The following TGFB2 variants were observed in gnomAD, a reference collection of about 807,000 sequenced individuals.
TGFB2 encodes the protein transforming growth factor beta-2 proprotein.
In TGFB2, 13 loss-of-function variants were observed where a neutral mutation model predicts 42.7. That is an observed-to-expected ratio of 0.30 (90% confidence interval 0.20 to 0.48). The LOEUF (loss-of-function observed/expected upper bound fraction) is 0.48. Among genes scored for constraint, TGFB2 ranks in the 20% least tolerant of loss-of-function variants. The pLI is 0.99. For missense variants in TGFB2, 390 were observed against 517.5 expected (o/e 0.75, Z 2.39); for synonymous variants, 193 against 193.6 (o/e 1.00, Z 0.03).
intron 1 of TGFB2, among the ~76,000 whole-genome samples, chr1:218,348,118 T>C (rs1289324487): frequency 6.6e-6 from 1 of 151,924 alleles, no homozygotes; most frequent in African/African-American, 2.4e-5. Flanking sequence ...CAGCATCCAC[T>C]TGATACCTGA....
intron 1 of TGFB2, among the ~76,000 whole-genome samples, chr1:218,404,411 C>T (rs945217463): frequency 5.9e-5 from 9 of 152,196 alleles, no homozygotes; most frequent in Admixed American, 2.6e-4. Context: ...CCCACTGTGC[C>T]CGTCCTTCCC....
At chr1:218,436,501 GGAT>G (rs1382958336) in intron 5 of TGFB2, among the ~76,000 whole-genome samples, 1 of 152,184 alleles carries the variant, frequency 6.6e-6, no homozygotes, top group Non-Finnish European at 1.5e-5. Flanking sequence ...CCCACCATCT[GGAT>G]GATGCCTTCA....
At chr1:218,363,192 C>T in intron 1 of TGFB2, 3 of 670,882 alleles carry the variant, frequency 4.5e-6, no homozygotes, top group Non-Finnish European at 5.2e-6. Context: ...AATCCCCTGG[C>T]CCCAGGTAGC....
chr1:218,382,551 T>G (rs143085599), intron 1 of TGFB2, among the ~76,000 whole-genome samples: 130 of 152,352 alleles, frequency 8.5e-4, no homozygotes, highest in South Asian at 1.5e-3. Context: ...ATCATACTTC[T>G]GAATTAAAGT....
intron 1 of TGFB2, among the ~76,000 whole-genome samples, chr1:218,377,885 A>G (rs144785818): frequency 6.6e-6 from 1 of 152,300 alleles, no homozygotes; most frequent in African/African-American, 2.4e-5. Context: ...TGTCTTCCTT[A>G]AATTGAATCC....
intron 2 of TGFB2, among the ~76,000 whole-genome samples, chr1:218,423,494 A>C (rs1336736381): frequency 6.6e-6 from 1 of 152,198 alleles, no homozygotes; most frequent in Non-Finnish European, 1.5e-5. Flanking sequence ...AGTTTGGATT[A>C]GAAGAGTGGA....
chr1:218,397,290 G>A (rs11118101), intron 1 of TGFB2, among the ~76,000 whole-genome samples: 5,434 of 149,904 alleles, frequency 0.036, 321 homozygotes, highest in African/African-American at 0.13. Context: ...AAGGCCGGGC[G>A]CGGTGGCTTA....
intron 1 of TGFB2, among the ~76,000 whole-genome samples, chr1:218,382,320 TG>T (rs1657992396): frequency 6.6e-6 from 1 of 152,128 alleles, no homozygotes; most frequent in African/African-American, 2.4e-5. Context: ...TAGCTTTGGT[TG>T]AGTCTCACCC....
At position 218,346,404 on chromosome 1, in the gene TGFB2, TC is replaced by T. The variant is rs1165154577; in HGVS notation, c.-294del. The T allele has an allele frequency of 4.1e-5, 13 of 317,240 alleles. No homozygotes were observed. Among genetic ancestry groups the T allele is most frequent in the Non-Finnish European group, 4.5e-5 (8 of 176,672 alleles). The allele number at this position is 317,240 out of a possible 1,614,324, so 19.7% of individuals were successfully genotyped here. ...CTTAATAGCCACTCGTCTCTTTTTT[TC>T]CCCATCTCATTGCTCCAAGAATTTT... On this transcript the variant is annotated 5_prime_UTR_variant, in exon 1 of 7. Transcript: ENST00000366930. The surrounding 1 kb of genome is among the most constrained non-coding windows in gnomAD (Gnocchi z 4.9).
At chr1:218,358,052 G>C (rs186512802) in intron 1 of TGFB2, among the ~76,000 whole-genome samples, 1 of 152,212 alleles carries the variant, frequency 6.6e-6, no homozygotes, top group African/African-American at 2.4e-5. Context: ...TGACAAGCTA[G>C]TTTGCAAATA....
At chr1:218,396,961 G>A (rs1354848388) in intron 1 of TGFB2, among the ~76,000 whole-genome samples, 1 of 152,056 alleles carries the variant, frequency 6.6e-6, no homozygotes, top group African/African-American at 2.4e-5. Context: ...TAGGTATAAA[G>A]CCTGATCCAA....
At chr1:218,350,009 C>T (rs550518469) in intron 1 of TGFB2, among the ~76,000 whole-genome samples, 10 of 152,248 alleles carry the variant, frequency 6.6e-5, no homozygotes, top group East Asian at 3.9e-4. Context: ...TAAGGTTTAC[C>T]GATAGTTTGC....
At chr1:218,353,093 A>G (rs747552937) in intron 1 of TGFB2, among the ~76,000 whole-genome samples, 19 of 152,238 alleles carry the variant, frequency 1.2e-4, no homozygotes, top group Non-Finnish European at 1.8e-4. Flanking sequence ...AGAAAAAAAT[A>G]TCACTTCAGT....
In TGFB2 at chr1:218,441,782, T is replaced by A. The variant is rs1660162186; in HGVS notation, c.*420T>A. 6.3e-6 allele frequency: 1 copy of A among 158,050 alleles called. No homozygotes were observed. The allele number at this position is 158,050 out of a possible 1,614,324, so 9.8% of individuals were successfully genotyped here. Reference sequence around the variant, plus strand: ...GCCTCACTTGATTTTTCTGTATTGCTATGCAATAGGCACCCTTCCCATTCT... The same window carrying A: ...GCCTCACTTGATTTTTCTGTATTGCAATGCAATAGGCACCCTTCCCATTCT... On this transcript the variant is annotated 3_prime_UTR_variant, in exon 7 of 7. Coordinates refer to ENST00000366930, the MANE Select transcript of TGFB2 (RefSeq NM_003238.6).
At chr1:218,439,490 C>T (rs956351346) in intron 6 of TGFB2, among the ~76,000 whole-genome samples, 1 of 152,122 alleles carries the variant, frequency 6.6e-6, no homozygotes, top group Non-Finnish European at 1.5e-5. Context: ...CATATGAAAA[C>T]TCATGTGTTC....
At chr1:218,350,887 G>T (rs1236368684) in intron 1 of TGFB2, among the ~76,000 whole-genome samples, 2 of 152,192 alleles carry the variant, frequency 1.3e-5, no homozygotes, top group East Asian at 1.9e-4. Context: ...ACAAAGAGTG[G>T]AATCTCCAAG....
At chr1:218,384,831 C>T (rs989667523) in intron 1 of TGFB2, among the ~76,000 whole-genome samples, 1 of 152,174 alleles carries the variant, frequency 6.6e-6, no homozygotes, top group Non-Finnish European at 1.5e-5. Flanking sequence ...TGGGGGATGA[C>T]TCATGGCAGG....
chr1:218,440,735 T>A (rs1482209853), intron 6 of TGFB2, among the ~76,000 whole-genome samples: 20 of 152,218 alleles, frequency 1.3e-4, no homozygotes, highest in Admixed American at 1.3e-3. Context: ...AAAAGCAAAG[T>A]CTGTAGAGTT....
intron 1 of TGFB2, among the ~76,000 whole-genome samples, chr1:218,387,688 T>C (rs1658183181): frequency 6.6e-6 from 1 of 152,184 alleles, no homozygotes; most frequent in African/African-American, 2.4e-5. Context: ...GCCCCTCCCA[T>C]ATTGCACATC....
Sources: allele counts gnomAD v4.1 joint callset (sites outside exome capture counted in the v4.1 genomes callset), GRCh38; gene constraint gnomAD v4.1.1; non-coding constraint Gnocchi (gnomAD v3.1); transcripts MANE v1.5; gene names NCBI Gene and HGNC (gene_info 2026-07-23, HGNC 2026-07-21).